Variants in SPIN1 observed in about 807,000 individuals in gnomAD.
SPIN1 encodes spindlin-1.
In SPIN1, 3 loss-of-function variants were observed where a neutral mutation model predicts 26.0. The observed-to-expected ratio is 0.12, with a 90% CI of 0.05 to 0.30. SPIN1 has a LOEUF of 0.30. Among genes scored for constraint, SPIN1 ranks in the 10% least tolerant of loss-of-function variants. SPIN1 has a pLI of 1.00. For missense variants in SPIN1, 126 were observed against 333.4 expected (o/e 0.38, Z 4.84); for synonymous variants, 101 against 116.5 (o/e 0.87, Z 0.86).
At chr9:88,414,915 G>C (rs745715261) in intron 1 of SPIN1, among the ~76,000 whole-genome samples, 69 of 151,884 alleles carry the variant, frequency 4.5e-4, no homozygotes, top group Non-Finnish European at 8.7e-4. Context: ...AATTTTTTTT[G>C]TTTTTTGAGA....
At chr9:88,402,708 A>G (rs533822735) in intron 1 of SPIN1, among the ~76,000 whole-genome samples, 3 of 152,256 alleles carry the variant, frequency 2.0e-5, no homozygotes, top group South Asian at 2.1e-4. Context: ...CTCTCTGCTC[A>G]TTGATGGATA....
chr9:88,408,458 A>G (rs998086619), intron 1 of SPIN1, among the ~76,000 whole-genome samples: 19 of 146,162 alleles, frequency 1.3e-4, no homozygotes, highest in Middle Eastern at 3.6e-3. Flanking sequence ...GCTAACTGCA[A>G]CCTCCGCCTC....
At chr9:88,457,240 T>C (rs1828490092) in intron 3 of SPIN1, among the ~76,000 whole-genome samples, 1 of 151,896 alleles carries the variant, frequency 6.6e-6, no homozygotes, top group African/African-American at 2.4e-5. Context: ...CATTTTAGAG[T>C]CTAGGAACAA....
At position 88,477,512 on chromosome 9, in the gene SPIN1, C is replaced by T. The variant is rs1160026627; in HGVS notation, c.*2235C>T. The T allele has an allele frequency of 1.3e-5, 2 of 152,180 alleles. No individual in the cohort carries two copies. The highest frequency in any genetic ancestry group is 2.9e-5 in the Non-Finnish European group (2 of 68,004). The allele number at this position is 152,180 out of a possible 1,614,324, so 9.4% of individuals were successfully genotyped here. Reference sequence around the variant, plus strand: ...AGTTTAATCATTGTTCATTTATTGCCTTTAGGGCTGAGGGAAAGGGAAGGT... The same window carrying T: ...AGTTTAATCATTGTTCATTTATTGCTTTTAGGGCTGAGGGAAAGGGAAGGT... On this transcript the variant is annotated 3_prime_UTR_variant, in exon 6 of 6. Coordinates refer to ENST00000375859, the MANE Select transcript of SPIN1 (RefSeq NM_006717.3).
rs1271404064 is a variant in SPIN1 at position 88,477,698 on chromosome 9, G to T, written c.*2421G>T. 6.6e-6 allele frequency: 1 copy of T among 152,514 alleles called. No individual in the cohort carries two copies. Among genetic ancestry groups the T allele is most frequent in the African/African-American group, 2.4e-5 (1 of 41,392 alleles). 9.4% of individuals were successfully genotyped at this position (152,514 alleles called of 1,614,324 possible). ...TGCATGCATTGCTTGCATTTTTCTG[G>T]TATCTGAATGTTGGTTCCTTGTTCC... On this transcript the variant is annotated 3_prime_UTR_variant, in exon 6 of 6. Coordinates refer to ENST00000375859, the MANE Select transcript of SPIN1 (RefSeq NM_006717.3).
At chr9:88,389,319 C>T (rs563031142) in intron 1 of SPIN1, 1 of 152,334 alleles carries the variant, frequency 6.6e-6, no homozygotes, top group African/African-American at 2.4e-5. Flanking sequence ...TGTGTTGAAA[C>T]GAATTGTGCG....
At chr9:88,427,163 G>A (rs1330694317) in intron 2 of SPIN1, among the ~76,000 whole-genome samples, 4 of 152,002 alleles carry the variant, frequency 2.6e-5, no homozygotes, top group Non-Finnish European at 4.4e-5. Flanking sequence ...TACTTTCTTT[G>A]GGACTTGAAA....
intron 1 of SPIN1, among the ~76,000 whole-genome samples, chr9:88,393,388 G>A (rs11142277): frequency 0.19 from 28,298 of 146,112 alleles, 3,564 homozygotes; most frequent in African/African-American, 0.37. Context: ...AATTACTGTT[G>A]CTTAACCTGA....
chr9:88,418,099 T>C (rs1017816534), intron 1 of SPIN1, among the ~76,000 whole-genome samples: 5 of 152,202 alleles, frequency 3.3e-5, no homozygotes, highest in African/African-American at 1.2e-4. Context: ...TAAGCTGGCA[T>C]GATTGATTAT....
chr9:88,456,745 G>A (rs1275870124), intron 3 of SPIN1, among the ~76,000 whole-genome samples: 3 of 151,960 alleles, frequency 2.0e-5, no homozygotes, highest in Admixed American at 2.0e-4. Flanking sequence ...AGAATCATGA[G>A]GCATCTTAGA....
At chr9:88,430,227 A>G (rs2118040080) in intron 2 of SPIN1, among the ~76,000 whole-genome samples, 1 of 152,330 alleles carries the variant, frequency 6.6e-6, no homozygotes, top group African/African-American at 2.4e-5. Context: ...GTGTCATCTC[A>G]AAGGCTTCTT....
intron 5 of SPIN1, among the ~76,000 whole-genome samples, chr9:88,473,118 C>G (rs1325307577): frequency 4.6e-5 from 7 of 152,126 alleles, no homozygotes; most frequent in Admixed American, 3.9e-4. Flanking sequence ...TTGGGCTGGG[C>G]ATGGTGGCTC....
intron 1 of SPIN1, among the ~76,000 whole-genome samples, chr9:88,402,477 C>T (rs1827210829): frequency 6.6e-6 from 1 of 151,256 alleles, no homozygotes; most frequent in Non-Finnish European, 1.5e-5. Flanking sequence ...CCTCTGATAC[C>T]TGTTATTGTA....
At chr9:88,419,573 A>G (rs140964861) in intron 1 of SPIN1, among the ~76,000 whole-genome samples, 235 of 152,352 alleles carry the variant, frequency 1.5e-3, no homozygotes, top group Middle Eastern at 3.4e-3. Flanking sequence ...CTTTATAACA[A>G]TACTTAACTA....
rs556579808 is a variant in SPIN1 at position 88,473,917 on chromosome 9, T to C, written c.590-1161T>C. On this transcript the variant is annotated intron_variant, in intron 5 of 5. Coordinates refer to ENST00000375859, the MANE Select transcript of SPIN1 (RefSeq NM_006717.3). Reference sequence around the variant, plus strand: ...TTTTTAAAGAAAAGAGTTCAGCTTATATTTCTTTATTTCTTTTAAAAGAAT... The same window carrying C: ...TTTTTAAAGAAAAGAGTTCAGCTTACATTTCTTTATTTCTTTTAAAAGAAT... Among the ~76,000 whole-genome samples, 8 of 152,364 alleles carry C rather than the reference T, an allele frequency of 5.3e-5. No homozygotes were observed. In the South Asian group the frequency reaches 6.2e-4, roughly 12 times the overall value.
At chr9:88,432,226 T>C (rs1827893240) in intron 2 of SPIN1, among the ~76,000 whole-genome samples, 1 of 132,832 alleles carries the variant, frequency 7.5e-6, no homozygotes, top group African/African-American at 2.8e-5. Flanking sequence ...AGTCTTGCTC[T>C]GTTGCCCAGG....
chr9:88,414,175 G>C (rs1827514810), intron 1 of SPIN1, among the ~76,000 whole-genome samples: 1 of 152,148 alleles, frequency 6.6e-6, no homozygotes, highest in Non-Finnish European at 1.5e-5. Flanking sequence ...TCTGTGTCCA[G>C]AGTTTTTATT....
chr9:88,426,238 A>G (rs1480071898), intron 1 of SPIN1, 144 bp from the exon 2 acceptor site: 8 of 221,616 alleles, frequency 3.6e-5, no homozygotes, highest in South Asian at 7.4e-5. Flanking sequence ...CTAAGAACCC[A>G]GGTCTTAGGA....
intron 2 of SPIN1, among the ~76,000 whole-genome samples, chr9:88,444,035 C>T (rs1420048439): frequency 1.3e-5 from 2 of 152,002 alleles, no homozygotes; most frequent in African/African-American, 4.8e-5. Flanking sequence ...TTTATCTCCG[C>T]CTGCCTCTCC....
Sources: allele counts gnomAD v4.1 joint callset (sites outside exome capture counted in the v4.1 genomes callset), GRCh38; gene constraint gnomAD v4.1.1; transcripts MANE v1.5; gene names NCBI Gene and HGNC (gene_info 2026-07-23, HGNC 2026-07-21).